Variants in KCNIP4 observed in about 807,000 individuals in gnomAD.
The protein encoded by KCNIP4 is potassium voltage-gated channel interacting protein 4.
Under a neutral mutation model 34.0 loss-of-function variants are expected in KCNIP4, and 12 were observed. That is an observed-to-expected ratio of 0.35 (90% CI 0.23 to 0.57). The LOEUF is 0.57. KCNIP4 is among the 20% of genes least tolerant of loss of function. KCNIP4 has a pLI of 0.83. For missense variants in KCNIP4, 238 were observed against 311.7 expected (o/e 0.76, Z 1.78); for synonymous variants, 124 against 102.2 (o/e 1.21, Z -1.29).
At chr4:21,198,076 A>G (rs1263850271) in intron 1 of KCNIP4, among the ~76,000 whole-genome samples, 1 of 152,236 alleles carries the variant, frequency 6.6e-6, no homozygotes, top group Non-Finnish European at 1.5e-5. Flanking sequence ...CATACGCTAT[A>G]CATATGAGTA....
intron 1 of KCNIP4, chr4:21,582,403 G>A: frequency 6.6e-6 from 1 of 151,866 alleles, no homozygotes; most frequent in African/African-American, 2.4e-5. Flanking sequence ...ATGGAAAGTG[G>A]AGTACAATAG....
In KCNIP4 at chr4:20,942,860, C is replaced by T. The variant is rs539875528; in HGVS notation, c.62-60151G>A. On this transcript the variant is annotated intron_variant, in intron 1 of 8. Transcript: ENST00000382152. ...CTAATTTTTGTATTTTTAGTAGAGA[C>T]GGGGTTTCACCATGTTGGCCAGGCT... Among the ~76,000 whole-genome samples, 11 of 151,842 alleles carry T rather than the reference C, an allele frequency of 7.2e-5. 1 individual carries two copies. Among genetic ancestry groups the T allele is most frequent in the Non-Finnish European group, 8.8e-5 (6 of 67,914 alleles).
chr4:21,591,978 G>A (rs1257897238), intron 1 of KCNIP4, among the ~76,000 whole-genome samples: 1 of 152,068 alleles, frequency 6.6e-6, no homozygotes, highest in African/African-American at 2.4e-5. Flanking sequence ...CAGTTCTACG[G>A]TGCTGCATTG....
chr4:21,493,526 T>C (rs1437968367), intron 1 of KCNIP4, among the ~76,000 whole-genome samples: 1 of 152,106 alleles, frequency 6.6e-6, no homozygotes, highest in Non-Finnish European at 1.5e-5. Flanking sequence ...CCTACAAACA[T>C]TTTTAAGGCT....
At chr4:21,176,617 G>T (rs1418887225) in intron 1 of KCNIP4, among the ~76,000 whole-genome samples, 3 of 152,300 alleles carry the variant, frequency 2.0e-5, no homozygotes, top group Non-Finnish European at 2.9e-5. Flanking sequence ...CCACCTCCCA[G>T]GTACAACAAA....
intron 1 of KCNIP4, among the ~76,000 whole-genome samples, chr4:21,755,333 C>A (rs1361533392): frequency 6.6e-6 from 1 of 152,166 alleles, no homozygotes; most frequent in Non-Finnish European, 1.5e-5. Flanking sequence ...TCTGGCAAAA[C>A]TTTAAGTTAA....
chr4:21,800,132 T>C (rs1404117788), intron 1 of KCNIP4, among the ~76,000 whole-genome samples: 1 of 152,094 alleles, frequency 6.6e-6, no homozygotes, highest in Non-Finnish European at 1.5e-5. Flanking sequence ...ATGAGTTCTT[T>C]CCCCCTAAAA....
chr4:20,854,295 G>C (rs747763127), intron 2 of KCNIP4, among the ~76,000 whole-genome samples: 6 of 152,262 alleles, frequency 3.9e-5, no homozygotes, highest in Non-Finnish European at 8.8e-5. Context: ...TTATATAATG[G>C]AATACTACTC....
At chr4:20,756,714 T>A (rs1426317627) in intron 4 of KCNIP4, among the ~76,000 whole-genome samples, 3 of 151,948 alleles carry the variant, frequency 2.0e-5, no homozygotes, top group Non-Finnish European at 4.4e-5. Context: ...ATGACTCCCA[T>A]GTTGCCACAT....
chr4:21,896,754 A>C (rs1727410699), intron 1 of KCNIP4, among the ~76,000 whole-genome samples: 1 of 152,030 alleles, frequency 6.6e-6, no homozygotes, highest in Admixed American at 6.6e-5. Context: ...ACCTGTCTCT[A>C]CTAAAAATAC....
chr4:21,121,703 T>C (rs951361717), intron 1 of KCNIP4, among the ~76,000 whole-genome samples: 8 of 152,230 alleles, frequency 5.3e-5, no homozygotes, highest in Non-Finnish European at 1.2e-4. Context: ...AGATATTGCA[T>C]ACAAAACAAC....
chr4:21,119,069 G>A (rs1385831759), intron 1 of KCNIP4, among the ~76,000 whole-genome samples: 2 of 152,108 alleles, frequency 1.3e-5, no homozygotes, highest in South Asian at 2.1e-4. Flanking sequence ...GTTCAGTTAG[G>A]GAGAAATACA....
chr4:20,850,499 C>G, intron 3 of KCNIP4, 44 bp downstream of exon 3: 1 of 1,598,786 alleles, frequency 6.3e-7, no homozygotes, highest in Non-Finnish European at 8.5e-7. Flanking sequence ...CTCAATGCTC[C>G]TCTGGGAATT....
At chr4:21,424,780 C>A (rs967564973) in intron 1 of KCNIP4, among the ~76,000 whole-genome samples, 3 of 152,082 alleles carry the variant, frequency 2.0e-5, no homozygotes, top group Non-Finnish European at 4.4e-5. Context: ...GAATGTTATC[C>A]ATTTCTCCAC....
At chr4:20,750,458 G>T (rs1323433517) in intron 4 of KCNIP4, among the ~76,000 whole-genome samples, 1 of 152,170 alleles carries the variant, frequency 6.6e-6, no homozygotes, top group Middle Eastern at 3.2e-3. Context: ...CCCCTACTCT[G>T]TCTGGGTCCT....
chr4:21,606,544 C>T (rs1424122045), intron 1 of KCNIP4, among the ~76,000 whole-genome samples: 1 of 152,076 alleles, frequency 6.6e-6, no homozygotes, highest in Admixed American at 6.6e-5. Context: ...TTTCCCAGTG[C>T]TCTAGGGAGG....
intron 1 of KCNIP4, among the ~76,000 whole-genome samples, chr4:20,979,390 ACTTT>A (rs1449386186): frequency 7.6e-5 from 11 of 145,640 alleles, no homozygotes; most frequent in Non-Finnish European, 1.3e-4. Flanking sequence ...CTCTGCTTCC[ACTTT>A]CTTTCTTTTT....
At chr4:21,942,369 G>A (rs1034139257) in intron 1 of KCNIP4, among the ~76,000 whole-genome samples, 1 of 152,186 alleles carries the variant, frequency 6.6e-6, no homozygotes, top group Non-Finnish European at 1.5e-5. Flanking sequence ...TACTGATGTT[G>A]GAGGTGATCA....
intron 5 of KCNIP4, among the ~76,000 whole-genome samples, chr4:20,748,688 C>A (rs1752967815): frequency 6.8e-6 from 1 of 146,014 alleles, no homozygotes; most frequent in Non-Finnish European, 1.5e-5. Context: ...CTTCTGAGAC[C>A]AAGCACAACC....
Sources: allele counts gnomAD v4.1 joint callset (sites outside exome capture counted in the v4.1 genomes callset), GRCh38; gene constraint gnomAD v4.1.1; transcripts MANE v1.5; gene names NCBI Gene and HGNC (gene_info 2026-07-23, HGNC 2026-07-21).